The following ALPL variants were observed in gnomAD, a reference collection of about 807,000 sequenced individuals.
ALPL encodes the protein alkaline phosphatase, tissue-nonspecific isozyme.
ALPL carries 42 observed loss-of-function variants against 51.3 expected under a neutral mutation model. The ratio of observed to expected loss-of-function variants is 0.82; its 90% CI spans 0.64 to 1.06. ALPL has a LOEUF of 1.06. Among genes scored for constraint, ALPL ranks in the 50% least tolerant of loss-of-function variants. The probability of loss-of-function intolerance (pLI) is 0.00; values close to 1 mark genes in which losing one functional copy is unlikely to be tolerated. For missense variants in ALPL, 589 were observed against 709.4 expected (o/e 0.83, Z 1.93); for synonymous variants, 279 against 296.4 (o/e 0.94, Z 0.60).
chr1:21,558,542 G>C (rs1011821801), intron 2 of ALPL, among the ~76,000 whole-genome samples: 1 of 152,232 alleles, frequency 6.6e-6, no homozygotes, highest in East Asian at 1.9e-4. Flanking sequence ...GGATAGCTAC[G>C]GGTGTCCCAT....
intron 1 of ALPL, among the ~76,000 whole-genome samples, chr1:21,537,326 G>A (rs1259453762): frequency 6.6e-6 from 1 of 152,184 alleles, no homozygotes; most frequent in Non-Finnish European, 1.5e-5. Flanking sequence ...TGCCCCCACT[G>A]ATCTCAGCCT....
At chr1:21,560,567 C>G in intron 2 of ALPL, 59 bp from the exon 3 acceptor site, 3 of 1,603,644 alleles carry the variant, frequency 1.9e-6, no homozygotes, top group Admixed American at 3.4e-5. Flanking sequence ...GGGATCTGTA[C>G]GTCTGGAGAT....
chr1:21,528,279 C>T (rs1317404170), intron 1 of ALPL, among the ~76,000 whole-genome samples: 1 of 151,492 alleles, frequency 6.6e-6, no homozygotes, highest in African/African-American at 2.4e-5. Flanking sequence ...CGTGGCCTCC[C>T]AAGGTGCTGA....
intron 10 of ALPL, 108 bp downstream of exon 10, chr1:21,576,032 A>G (rs910349293): frequency 3.4e-5 from 45 of 1,328,974 alleles, no homozygotes; most frequent in Admixed American, 1.5e-4. Flanking sequence ...TGGGGACTCA[A>G]TGACAACTGG....
Position 21,577,659 on chromosome 1 carries a change from C to T in ALPL, c.*11C>T, listed in dbSNP as rs757240883. The T allele has an allele frequency of 6.3e-7, 1 of 1,594,018 alleles. No homozygotes were observed. The highest frequency in any genetic ancestry group is 1.7e-5 in the Admixed American group (1 of 59,540). ...AGCGTCCTGTTCTGAGGGCCCAGGG[C>T]CCGGGCACCCACAAGCCCGTGACAG... On this transcript the variant is annotated 3_prime_UTR_variant, in exon 12 of 12. Transcript: ENST00000374840.
In ALPL at chr1:21,568,105, T is replaced by TAA. The variant is rs748254075; in HGVS notation, c.650_651insAA (p.Ile218ArgfsTer60). On this transcript the variant is annotated frameshift_variant and splice_region_variant, in exon 7 of 12. Coordinates refer to ENST00000374840, the MANE Select transcript of ALPL (RefSeq NM_000478.6). LOFTEE classifies it high-confidence loss of function. ...AGTGATGGCTCCTGTCTCTTTTAGGTGATCATGGGGGGTGGCCGGAAATAC... is the reference window on the plus strand; with the variant it reads ...AGTGATGGCTCCTGTCTCTTTTAGGTAAGATCATGGGGGGTGGCCGGAAATAC... 6.2e-7 allele frequency: 1 copy of TAA among 1,613,916 alleles called. No individual in the cohort carries two copies. The highest frequency in any genetic ancestry group is 2.2e-5 in the East Asian group (1 of 44,848).
At chr1:21,518,705 A>G (rs991245413) in intron 1 of ALPL, among the ~76,000 whole-genome samples, 2 of 152,162 alleles carry the variant, frequency 1.3e-5, no homozygotes, top group African/African-American at 4.8e-5. Context: ...ACCATCCCCA[A>G]GCTCTCAGCT....
chr1:21,551,687 G>C (rs1022587192), intron 1 of ALPL, among the ~76,000 whole-genome samples: 1 of 145,168 alleles, frequency 6.9e-6, no homozygotes, highest in African/African-American at 2.6e-5. Flanking sequence ...CCCCAGAGCC[G>C]TCACTTCTGG....
At chr1:21,573,208 C>T (rs958838590) in intron 8 of ALPL, among the ~76,000 whole-genome samples, 1 of 152,106 alleles carries the variant, frequency 6.6e-6, no homozygotes, top group African/African-American at 2.4e-5. Flanking sequence ...CCGAGGTGGG[C>T]GGATGACCTG....
At chr1:21,553,702 C>CT in intron 1 of ALPL, among the ~76,000 whole-genome samples, 2 of 152,292 alleles carry the variant, frequency 1.3e-5, no homozygotes, top group South Asian at 4.1e-4. Context: ...AGGTAGGGGG[C>CT]TTCAGATGAA....
intron 1 of ALPL, among the ~76,000 whole-genome samples, chr1:21,548,086 C>T (rs886861351): frequency 1.3e-5 from 2 of 152,186 alleles, no homozygotes; most frequent in South Asian, 2.1e-4. Context: ...TACGGAGGAG[C>T]CGGGAGCCTG....
At chr1:21,533,011 A>G (rs1290843094) in intron 1 of ALPL, among the ~76,000 whole-genome samples, 4 of 152,216 alleles carry the variant, frequency 2.6e-5, no homozygotes, top group Admixed American at 6.5e-5. Flanking sequence ...TTGTTGTGAT[A>G]CCATGGTGGG....
chr1:21,544,748 CAAA>C (rs556166843), intron 1 of ALPL, among the ~76,000 whole-genome samples: 306 of 152,164 alleles, frequency 2.0e-3, no homozygotes, highest in Admixed American at 4.3e-3. Context: ...TGTCTCAAAA[CAAA>C]AACAAAATTA....
intron 2 of ALPL, 44 bp downstream of exon 2, chr1:21,554,186 A>T: frequency 6.4e-7 from 1 of 1,572,278 alleles, no homozygotes; most frequent in South Asian, 1.1e-5. Context: ...GGTGGTGCAG[A>T]TGGGGTATGA....
intron 1 of ALPL, among the ~76,000 whole-genome samples, chr1:21,521,080 C>T (rs1643878527): frequency 6.6e-6 from 1 of 152,218 alleles, no homozygotes; most frequent in Non-Finnish European, 1.5e-5. Context: ...TCTGATCATC[C>T]ACATAGCATC....
At chr1:21,576,371 T>C in intron 10 of ALPL, 151 bp from the exon 11 acceptor site, 1 of 1,016,190 alleles carries the variant, frequency 9.8e-7, no homozygotes, top group Non-Finnish European at 1.5e-6. Flanking sequence ...TTGGAAATAA[T>C]AAGGTTTAGA....
chr1:21,575,328 A>G (rs1162486166), intron 9 of ALPL, among the ~76,000 whole-genome samples: 1 of 152,158 alleles, frequency 6.6e-6, no homozygotes, highest in African/African-American at 2.4e-5. Flanking sequence ...TGTTCAGGGG[A>G]AAAGAGACAT....
At chr1:21,523,324 G>A (rs1300278086) in intron 1 of ALPL, among the ~76,000 whole-genome samples, 1 of 152,088 alleles carries the variant, frequency 6.6e-6, no homozygotes, top group African/African-American at 2.4e-5. Context: ...AAACAAAAAT[G>A]GGGAATAAGC....
In ALPL at chr1:21,571,963, A is replaced by T. The variant is rs554615818; in HGVS notation, c.862+1589A>T. Among the ~76,000 whole-genome samples, 84 of 152,096 alleles carry T rather than the reference A, an allele frequency of 5.5e-4. 2 individuals are homozygous for T. In the South Asian group the frequency reaches 0.013, roughly 23 times the overall value. On this transcript the variant is annotated intron_variant, in intron 8 of 11. Coordinates refer to ENST00000374840, the MANE Select transcript of ALPL (RefSeq NM_000478.6). ...AGTTGTGATTATGCCACTGCACTCC[A>T]GCCTGGGTGACAGAGCAAGACCCTA...
Sources: allele counts gnomAD v4.1 joint callset (sites outside exome capture counted in the v4.1 genomes callset), GRCh38; gene constraint gnomAD v4.1.1; transcripts MANE v1.5; gene names NCBI Gene and HGNC (gene_info 2026-07-23, HGNC 2026-07-21).